The following CPQ variants were observed in gnomAD, a reference collection of about 807,000 sequenced individuals.
The protein encoded by CPQ is carboxypeptidase Q.
CPQ carries 37 observed loss-of-function variants against 45.7 expected under a neutral mutation model. That is an observed-to-expected ratio of 0.81 (90% CI 0.62 to 1.07). The LOEUF (loss-of-function observed/expected upper bound fraction) is 1.07. Ranked by LOEUF, CPQ falls within the 50% of genes least tolerant of loss-of-function variation. The probability of loss-of-function intolerance (pLI) is 0.00; values close to 1 mark genes in which losing one functional copy is unlikely to be tolerated. For synonymous variants in CPQ, 186 were observed against 205.8 expected (o/e 0.90, Z 0.82); for missense variants, 537 against 572.9 (o/e 0.94, Z 0.64).
chr8:96,823,688 TATAA>T lies in CPQ; in HGVS notation c.434-11275_434-11272del, dbSNP rs577313124. Among the ~76,000 whole-genome samples the T allele has an allele frequency of 3.1e-3, 469 of 152,162 alleles. 1 individual carries two copies. Among genetic ancestry groups the T allele is most frequent in the African/African-American group, 0.01 (419 of 41,556 alleles). On this transcript the variant is annotated intron_variant, in intron 2 of 7. Coordinates refer to ENST00000220763, the MANE Select transcript of CPQ (RefSeq NM_016134.4). ...AGTCAGGAAATAAGTAAAACACAAG[TATAA>T]ATAAATAAAGTATTTTATATTTAAT...
chr8:96,659,122 G>C (rs1354002318), intron 1 of CPQ, among the ~76,000 whole-genome samples: 1 of 152,128 alleles, frequency 6.6e-6, no homozygotes, highest in African/African-American at 2.4e-5. Context: ...TTATCCATTG[G>C]TACTTTAGTT....
intron 1 of CPQ, among the ~76,000 whole-genome samples, chr8:96,748,851 G>A (rs1810223956): frequency 6.6e-6 from 1 of 152,074 alleles, no homozygotes; most frequent in Non-Finnish European, 1.5e-5. Flanking sequence ...TTAGGTAACA[G>A]GACCTGTGTC....
chr8:97,064,558 G>A (rs933487347), intron 6 of CPQ, among the ~76,000 whole-genome samples: 1 of 152,154 alleles, frequency 6.6e-6, no homozygotes, highest in African/African-American at 2.4e-5. Flanking sequence ...TATGAACAGA[G>A]TTCTGCATCG....
At chr8:96,894,104 T>C (rs1026148109) in intron 4 of CPQ, among the ~76,000 whole-genome samples, 1 of 152,310 alleles carries the variant, frequency 6.6e-6, no homozygotes, top group East Asian at 1.9e-4. Flanking sequence ...GGTAAGACAC[T>C]GACTTCTTCT....
intron 1 of CPQ, among the ~76,000 whole-genome samples, chr8:96,673,333 G>A (rs903714559): frequency 6.6e-6 from 1 of 152,076 alleles, no homozygotes; most frequent in East Asian, 1.9e-4. Context: ...TTGGTTACTT[G>A]GTTACATCCT....
intron 1 of CPQ, among the ~76,000 whole-genome samples, chr8:96,743,042 G>T (rs1378658008): frequency 6.6e-6 from 1 of 152,150 alleles, no homozygotes; most frequent in Non-Finnish European, 1.5e-5. Context: ...GATTGGGGAA[G>T]TTCTCCTGGA....
At chr8:96,726,658 C>T (rs1809844904) in intron 1 of CPQ, among the ~76,000 whole-genome samples, 1 of 152,102 alleles carries the variant, frequency 6.6e-6, no homozygotes. Flanking sequence ...ACGAGAAATC[C>T]ACCTCCATAA....
chr8:96,687,165 TTTTCTTTTCTTTCTC>T (rs1307464153), intron 1 of CPQ, among the ~76,000 whole-genome samples: 3 of 151,634 alleles, frequency 2.0e-5, no homozygotes, highest in African/African-American at 7.3e-5. Flanking sequence ...TTTTCTTTTC[TTTTCTTTTCTTTCTC>T]TTCTCTTCTC....
At chr8:96,917,077 A>G (rs1183465899) in intron 4 of CPQ, among the ~76,000 whole-genome samples, 2 of 151,932 alleles carry the variant, frequency 1.3e-5, no homozygotes, top group Non-Finnish European at 2.9e-5. Flanking sequence ...AAATCACTAC[A>G]CTGTGTGTAG....
chr8:96,724,499 AC>A (rs1809809051), intron 1 of CPQ, among the ~76,000 whole-genome samples: 1 of 150,768 alleles, frequency 6.6e-6, no homozygotes, highest in African/African-American at 2.4e-5. Context: ...AGACACACAC[AC>A]ACACACACAC....
chr8:96,716,572 G>A (rs952255204), intron 1 of CPQ, among the ~76,000 whole-genome samples: 43 of 152,182 alleles, frequency 2.8e-4, no homozygotes, highest in African/African-American at 9.9e-4. Context: ...GAGTGAGAAC[G>A]TACGATGTTT....
At chr8:96,849,167 T>G (rs1811738935) in intron 3 of CPQ, among the ~76,000 whole-genome samples, 1 of 152,250 alleles carries the variant, frequency 6.6e-6, no homozygotes, top group African/African-American at 2.4e-5. Flanking sequence ...TGATAAATTC[T>G]ATTTTGCATG....
chr8:96,974,134 C>T (rs908107319), intron 5 of CPQ, among the ~76,000 whole-genome samples: 1 of 152,122 alleles, frequency 6.6e-6, no homozygotes, highest in Non-Finnish European at 1.5e-5. Flanking sequence ...ACTACTCTCA[C>T]ACATAAGGAC....
chr8:96,711,479 A>T (rs1455170008), intron 1 of CPQ, among the ~76,000 whole-genome samples: 3 of 152,180 alleles, frequency 2.0e-5, no homozygotes, highest in Non-Finnish European at 4.4e-5. Context: ...TAGTTTATAA[A>T]GGAAAGAGGT....
rs934763033 is a variant in CPQ, at chr8:96,814,007, TATATACACACATAC to T, written c.434-20960_434-20947del. Among the ~76,000 whole-genome samples the T allele has an allele frequency of 6.7e-5, 8 of 119,654 alleles. No individual in the cohort carries two copies. In the Admixed American group the frequency reaches 7.1e-4, roughly 11 times the overall value. 78.5% of individuals were successfully genotyped at this position (119,654 alleles called of 152,430 possible). On this transcript the variant is annotated intron_variant, in intron 2 of 7. Coordinates refer to ENST00000220763, the MANE Select transcript of CPQ (RefSeq NM_016134.4). ...ATATATACATATATATACACACATA[TATATACACACATAC>T]ATATATATGCACATATATATATATA...
intron 3 of CPQ, among the ~76,000 whole-genome samples, chr8:96,864,471 T>C (rs1370855331): frequency 6.6e-6 from 1 of 151,972 alleles, no homozygotes; most frequent in Non-Finnish European, 1.5e-5. Context: ...ATCAGAAGTC[T>C]AAAGGGGCAT....
rs1025032944 is a variant in CPQ at position 97,022,094 on chromosome 8, A to G, written c.962-7309A>G. Among the ~76,000 whole-genome samples the G allele has an allele frequency of 1.7e-4, 26 of 152,246 alleles. No individual in the cohort carries two copies. In the East Asian group the frequency reaches 5.0e-3, roughly 29 times the overall value. The stretch of plus-strand genomic sequence containing the variant: ...AAATAAACCCAAATACTTACAGCCA[A>G]CTGATCTTCAACAAAGCCAACAAAA... On this transcript the variant is annotated intron_variant, in intron 5 of 7. Coordinates refer to ENST00000220763, the MANE Select transcript of CPQ (RefSeq NM_016134.4).
chr8:97,003,817 C>T (rs534134349), intron 5 of CPQ, among the ~76,000 whole-genome samples: 10 of 152,204 alleles, frequency 6.6e-5, no homozygotes, highest in Admixed American at 2.0e-4. Flanking sequence ...GGTCAGAGCA[C>T]GTACTTTGAA....
intron 1 of CPQ, among the ~76,000 whole-genome samples, chr8:96,652,668 TATC>T (rs1815589908): frequency 6.6e-6 from 1 of 152,232 alleles, no homozygotes; most frequent in Non-Finnish European, 1.5e-5. Context: ...AGTCTTGCTC[TATC>T]GCCCAAGCTG....
Sources: allele counts gnomAD v4.1 joint callset (sites outside exome capture counted in the v4.1 genomes callset), GRCh38; gene constraint gnomAD v4.1.1; transcripts MANE v1.5; gene names NCBI Gene and HGNC (gene_info 2026-07-23, HGNC 2026-07-21).